The following DUSP16 variants were observed in gnomAD, a reference collection of about 807,000 sequenced individuals.
DUSP16 encodes the protein dual specificity phosphatase 16, also known as dual specificity protein phosphatase 16.
In DUSP16, 21 loss-of-function variants were observed where a neutral mutation model predicts 58.3. The ratio of observed to expected loss-of-function variants is 0.36; its 90% CI spans 0.26 to 0.52. The LOEUF (loss-of-function observed/expected upper bound fraction) is 0.52, where lower values mean the gene tolerates loss of function less well. Among genes scored for constraint, DUSP16 ranks in the 20% least tolerant of loss-of-function variants. The probability of loss-of-function intolerance (pLI) is 0.94; values close to 1 mark genes in which losing one functional copy is unlikely to be tolerated. For synonymous variants in DUSP16, 320 were observed against 323.8 expected, an observed-to-expected ratio of 0.99 and a Z score of 0.12; for missense variants, 726 against 819.0, an observed-to-expected ratio of 0.89 and a Z score of 1.39.
chr12:12,560,162 A>G (rs1944875830), intron 1 of DUSP16, among the ~76,000 whole-genome samples: 1 of 152,132 alleles, frequency 6.6e-6, no homozygotes, highest in Admixed American at 6.6e-5. Context: ...ATGCACTATG[A>G]TCATTTGGCA....
rs534191544 is a variant in DUSP16 at position 12,559,151 on chromosome 12, GA to G, written c.-366+2965del. Among the ~76,000 whole-genome samples, 626 of 149,404 alleles carry G rather than the reference GA, an allele frequency of 4.2e-3. 2 individuals are homozygous for G. Among genetic ancestry groups the G allele is most frequent in the African/African-American group, 0.015 (598 of 40,862 alleles). ...GATTGTCTACAACACAAGAAAATCA[GA>G]AAAAAAAAATTGACATCTGGCTTTG... On this transcript the variant is annotated intron_variant, in intron 1 of 6. Transcript: ENST00000298573.
chr12:12,550,861 G>A (rs984873670), intron 1 of DUSP16, among the ~76,000 whole-genome samples: 3 of 151,552 alleles, frequency 2.0e-5, no homozygotes, highest in Non-Finnish European at 4.4e-5. Flanking sequence ...TGCACGTGCT[G>A]CACATGTACC....
At chr12:12,516,301 A>C (rs1944153412) in intron 3 of DUSP16, among the ~76,000 whole-genome samples, 1 of 152,216 alleles carries the variant, frequency 6.6e-6, no homozygotes, top group African/African-American at 2.4e-5. Context: ...CACCACACCC[A>C]GCTGCTACTG....
chr12:12,492,429 G>A (rs139771490), intron 4 of DUSP16, among the ~76,000 whole-genome samples: 16 of 152,144 alleles, frequency 1.1e-4, no homozygotes, highest in African/African-American at 3.4e-4. Flanking sequence ...TGTTTTGGGC[G>A]AACTGTCCAT....
chr12:12,560,946 T>TCACAAACACACA (rs1555170885), intron 1 of DUSP16: 2 of 148,144 alleles, frequency 1.4e-5, no homozygotes, highest in East Asian at 4.0e-4. Context: ...ATGGTAAATT[T>TCACAAACACACA]CACACACACA....
rs73293626 is a variant in DUSP16, at chr12:12,532,347, T to C, written c.-365-10884A>G. Among the ~76,000 whole-genome samples the C allele has an allele frequency of 4.0e-3, 602 of 152,246 alleles. 9 individuals carry two copies. The highest frequency in any genetic ancestry group is 0.014 in the African/African-American group (565 of 41,528). ...ACATTTAAAAACGATGGTGTAAAAA[T>C]ATACTTATTGACAGCCAAGGATGGT... On this transcript the variant is annotated intron_variant, in intron 1 of 6. Transcript: ENST00000298573.
intron 1 of DUSP16, among the ~76,000 whole-genome samples, chr12:12,560,487 A>G (rs538489422): frequency 1.3e-5 from 2 of 152,212 alleles, no homozygotes; most frequent in African/African-American, 4.8e-5. Flanking sequence ...ATTAAAAAAA[A>G]TTTTAATGCA....
intron 1 of DUSP16, among the ~76,000 whole-genome samples, chr12:12,533,368 C>T (rs917985099): frequency 1.3e-5 from 2 of 152,164 alleles, no homozygotes; most frequent in African/African-American, 4.8e-5. Flanking sequence ...GCAATGGCTT[C>T]GTCACTATTC....
rs77829045 is a variant in DUSP16, at chr12:12,505,692, G to A, written c.368-5010C>T. 5.3e-3 allele frequency among the ~76,000 whole-genome samples: 808 copies of A among 152,250 alleles called. 8 individuals are homozygous for A. The highest frequency in any genetic ancestry group is 0.018 in the African/African-American group (736 of 41,538). On this transcript the variant is annotated intron_variant, in intron 3 of 6. Coordinates refer to ENST00000298573, the MANE Select transcript of DUSP16 (RefSeq NM_030640.3). ...GATCCTAGATCACTTTGATTTCAGT[G>A]GACCTCAAAAGTAAGTGTGGCTCTA...
chr12:12,536,803 C>T lies in DUSP16; in HGVS notation c.-365-15340G>A, dbSNP rs561324617. On this transcript the variant is annotated intron_variant, in intron 1 of 6. Coordinates refer to ENST00000298573, the MANE Select transcript of DUSP16 (RefSeq NM_030640.3). ...CTGTAATCCCAACACTTTGGGAGGC[C>T]GAGGTGGGCGGATCGCCTGAGGTCG... is the stretch of plus-strand genomic sequence containing the variant. Among the ~76,000 whole-genome samples, 6 of 151,958 alleles carry T rather than the reference C, an allele frequency of 3.9e-5. No individual in the cohort carries two copies. The South Asian group carries it at 6.2e-4, about 16-fold the overall frequency.
rs1227534949 is a variant in DUSP16 at position 12,477,743 on chromosome 12, ACG to A, written c.1086_1087del (p.Val363AlafsTer32). 11 of 1,542,886 alleles carry A rather than the reference ACG, an allele frequency of 7.1e-6. No homozygotes were observed. The highest frequency in any genetic ancestry group is 1.7e-4 in the Middle Eastern group (1 of 5,984). ...TAACAGCGACGGCTGCACGCTGGGCACGCTGGGCACGCTGGCGGGATGCACGG... is the reference window on the plus strand; with the variant it reads ...TAACAGCGACGGCTGCACGCTGGGCACTGGGCACGCTGGCGGGATGCACGG... On this transcript the variant is annotated frameshift_variant, in exon 7 of 7. Coordinates refer to ENST00000298573, the MANE Select transcript of DUSP16 (RefSeq NM_030640.3). LOFTEE classifies it high-confidence loss of function. The surrounding 1 kb of genome is among the most constrained non-coding windows in gnomAD (Gnocchi z 4.1).
intron 4 of DUSP16, among the ~76,000 whole-genome samples, chr12:12,494,148 A>G (rs763912747): frequency 2.6e-5 from 4 of 152,218 alleles, no homozygotes; most frequent in Non-Finnish European, 5.9e-5. Flanking sequence ...TTTTCATTTT[A>G]CAAGTCACTG....
intron 5 of DUSP16, among the ~76,000 whole-genome samples, chr12:12,482,615 C>G (rs527841815): frequency 6.6e-6 from 1 of 152,156 alleles, no homozygotes; most frequent in Non-Finnish European, 1.5e-5. Flanking sequence ...AGTGCTCATT[C>G]GAAAACAGCC....
chr12:12,477,437 G>T lies in DUSP16; in HGVS notation c.1394C>A (p.Ala465Asp). 6.2e-7 allele frequency: 1 copy of T among 1,605,806 alleles called. No individual in the cohort carries two copies. Among genetic ancestry groups the T allele is most frequent in the Non-Finnish European group, 8.5e-7 (1 of 1,175,638 alleles). The change falls in exon 7 of 7, where the codon GCC becomes GAC. Residue 465 changes from alanine to aspartate, a missense_variant. Ala to Asp is a moderately radical substitution (Grantham distance 126, BLOSUM62 -2). Coordinates refer to ENST00000298573, the MANE Select transcript of DUSP16 (RefSeq NM_030640.3). The surrounding 1 kb of genome is among the most constrained non-coding windows in gnomAD (Gnocchi z 4.1). The stretch of plus-strand genomic sequence containing the variant: ...GGTCTGCAGCTTCTTGGGGATGCTG[G>T]CTTCCTCCTTATCAGGACTGGTTTC... ...TPETSPDKEEASIPKKLQTAR... is the reference protein window; with the variant it reads ...TPETSPDKEEDSIPKKLQTAR...
intron 1 of DUSP16, among the ~76,000 whole-genome samples, chr12:12,536,904 T>C (rs1944473480): frequency 6.6e-6 from 1 of 152,054 alleles, no homozygotes; most frequent in South Asian, 2.1e-4. Context: ...CCAGGCATGG[T>C]GGCGCATTCC....
At position 12,476,957 on chromosome 12, in the gene DUSP16, C is replaced by T. The variant is rs771939670; in HGVS notation, c.1874G>A (p.Arg625His). The T allele has an allele frequency of 1.2e-5, 19 of 1,614,072 alleles. No individual in the cohort carries two copies. Among genetic ancestry groups the T allele is most frequent in the Admixed American group, 1.7e-5 (1 of 60,004 alleles). ...TCCAAATTCCATTTGGCAGCTTCTG[C>T]GTTTAAACTGCTTTTCAAAGGGGCT... ...EESPFEKQFK[R>H]RSCQMEFGES... is the part of the protein sequence containing the mutation. The change falls in exon 7 of 7, where the codon CGC becomes CAC. Residue 625 changes from arginine (R) to histidine (H), a missense_variant. Coordinates refer to ENST00000298573, the MANE Select transcript of DUSP16 (RefSeq NM_030640.3).
At chr12:12,534,670 A>AT (rs1293326082) in intron 1 of DUSP16, among the ~76,000 whole-genome samples, 4 of 151,996 alleles carry the variant, frequency 2.6e-5, no homozygotes, top group Non-Finnish European at 5.9e-5. Flanking sequence ...TTCATTTTCT[A>AT]TTTTTTGAGG....
At chr12:12,526,621 C>A (rs1238816252) in intron 1 of DUSP16, among the ~76,000 whole-genome samples, 2 of 152,128 alleles carry the variant, frequency 1.3e-5, no homozygotes, top group Non-Finnish European at 2.9e-5. Context: ...TTGTACACTT[C>A]AAAATTTGTG....
At chr12:12,532,463 T>C (rs1944404750) in intron 1 of DUSP16, among the ~76,000 whole-genome samples, 1 of 152,332 alleles carries the variant, frequency 6.6e-6, no homozygotes, top group South Asian at 2.1e-4. Context: ...ATACGATGGA[T>C]ATGTATAAAA....
Sources: allele counts gnomAD v4.1 joint callset (sites outside exome capture counted in the v4.1 genomes callset), GRCh38; gene constraint gnomAD v4.1.1; non-coding constraint Gnocchi (gnomAD v3.1); transcripts MANE v1.5; gene names NCBI Gene and HGNC (gene_info 2026-07-23, HGNC 2026-07-21).